SPOPL: variants seen among roughly 807,000 people sequenced by gnomAD.
SPOPL encodes speckle-type POZ protein-like.
A neutral mutation model predicts 53.8 loss-of-function variants in SPOPL; 23 were observed. That is an observed-to-expected ratio of 0.43 (90% CI 0.31 to 0.61). The LOEUF (loss-of-function observed/expected upper bound fraction) is 0.61, where lower values mean the gene tolerates loss of function less well. Among genes scored for constraint, SPOPL ranks in the 20% least tolerant of loss-of-function variants. The probability of loss-of-function intolerance (pLI) is 0.12; values close to 1 mark genes in which losing one functional copy is unlikely to be tolerated. For missense variants in SPOPL, 442 were observed against 466.9 expected, an observed-to-expected ratio of 0.95 and a Z score of 0.49; for synonymous variants, 164 against 149.7, an observed-to-expected ratio of 1.10 and a Z score of -0.70.
chr2:138,504,560 T>C (rs1280406188), intron 1 of SPOPL, among the ~76,000 whole-genome samples: 2 of 152,206 alleles, frequency 1.3e-5, no homozygotes, highest in Non-Finnish European at 2.9e-5. Context: ...AAATATTCTT[T>C]CCAAAAATAT....
chr2:138,564,489 G>A (rs919122966), intron 8 of SPOPL: 37 of 477,520 alleles, frequency 7.7e-5, no homozygotes, highest in Non-Finnish European at 6.1e-5. Flanking sequence ...TCAAAAATAC[G>A]CTTATGCAAA....
intron 1 of SPOPL, among the ~76,000 whole-genome samples, chr2:138,537,592 T>A (rs1384029856): frequency 6.6e-6 from 1 of 152,170 alleles, no homozygotes; most frequent in Non-Finnish European, 1.5e-5. Flanking sequence ...CACAAGACAA[T>A]ATGAAGGGTG....
intron 1 of SPOPL, among the ~76,000 whole-genome samples, chr2:138,546,629 C>A (rs1453491363): frequency 6.6e-6 from 1 of 152,072 alleles, no homozygotes. Context: ...ATAGGTAAGG[C>A]CTGTTTAAGT....
At chr2:138,521,488 A>T (rs1684556629) in intron 1 of SPOPL, among the ~76,000 whole-genome samples, 1 of 152,092 alleles carries the variant, frequency 6.6e-6, no homozygotes, top group South Asian at 2.1e-4. Flanking sequence ...TTAAAGCAAC[A>T]GAAATGAAAT....
At chr2:138,543,505 CCTTT>C (rs550114628) in intron 1 of SPOPL, among the ~76,000 whole-genome samples, 371 of 152,228 alleles carry the variant, frequency 2.4e-3, no homozygotes, top group Non-Finnish European at 4.2e-3. Flanking sequence ...TCACTGATAC[CCTTT>C]CTTTCAGTTG....
At chr2:138,550,827 T>TTC (rs66690846) in intron 3 of SPOPL, 76 bp from the exon 4 acceptor site, 71,159 of 1,343,804 alleles carry the variant, frequency 0.053, 872 homozygotes, top group East Asian at 0.26. Context: ...CTCTCTCTCT[T>TTC]TCTCTCTCTC....
At chr2:138,528,381 A>G (rs943953729) in intron 1 of SPOPL, among the ~76,000 whole-genome samples, 2 of 152,302 alleles carry the variant, frequency 1.3e-5, no homozygotes, top group Admixed American at 6.5e-5. Flanking sequence ...TGATTTATCT[A>G]CCTTTATATC....
rs1291141708 is a variant in SPOPL at position 138,571,453 on chromosome 2, G to A, written c.*2373G>A. Reference sequence around the variant, plus strand: ...AAAAATGTCAAACACTGTGCTGTAAGAATATCCATGTTTGTAGAAATGTCC... The same window carrying A: ...AAAAATGTCAAACACTGTGCTGTAAAAATATCCATGTTTGTAGAAATGTCC... On this transcript the variant is annotated 3_prime_UTR_variant, in exon 11 of 11. Coordinates refer to ENST00000280098, the MANE Select transcript of SPOPL (RefSeq NM_001001664.3). 5.9e-5 allele frequency: 9 copies of A among 152,420 alleles called. No homozygotes were observed. Among genetic ancestry groups the A allele is most frequent in the African/African-American group, 1.9e-4 (8 of 41,376 alleles). The allele number at this position is 152,420 out of a possible 1,614,324, so 9.4% of individuals were successfully genotyped here.
At chr2:138,528,459 C>T (rs1015622096) in intron 1 of SPOPL, among the ~76,000 whole-genome samples, 1 of 152,144 alleles carries the variant, frequency 6.6e-6, no homozygotes, top group Non-Finnish European at 1.5e-5. Context: ...GTGTCACACC[C>T]TTTCTTATTT....
At chr2:138,531,095 A>G (rs976146331) in intron 1 of SPOPL, among the ~76,000 whole-genome samples, 6 of 152,128 alleles carry the variant, frequency 3.9e-5, no homozygotes, top group African/African-American at 4.8e-5. Context: ...GCTAAATTAC[A>G]TTAATAAATT....
At position 138,525,663 on chromosome 2, in the gene SPOPL, A is replaced by AACAAAAC. The variant is rs1553468802; in HGVS notation, c.-61+23545_-61+23546insCAAAACA. ...GCATCAGTATAAAAAGTAGAAAAAA[A>AACAAAAC]AAAAAAAAAAATACACAAAAAACAA... On this transcript the variant is annotated intron_variant, in intron 1 of 10. Transcript: ENST00000280098. Among the ~76,000 whole-genome samples, 7 of 130,492 alleles carry AACAAAAC rather than the reference A, an allele frequency of 5.4e-5. 1 individual carries two copies. The South Asian group carries it at 1.2e-3, about 23-fold the overall frequency. The allele number at this position is 130,492 out of a possible 152,430, so 85.6% of individuals were successfully genotyped here.
chr2:138,531,126 CGG>C (rs1021784712), intron 1 of SPOPL, among the ~76,000 whole-genome samples: 10 of 151,656 alleles, frequency 6.6e-5, no homozygotes, highest in African/African-American at 2.4e-4. Flanking sequence ...TCTAGTCTAA[CGG>C]AGTATTTGGG....
chr2:138,568,832 G>A, intron 10 of SPOPL, 104 bp from the exon 11 acceptor site: 1 of 1,180,906 alleles, frequency 8.5e-7, no homozygotes, highest in South Asian at 1.4e-5. Flanking sequence ...TAGGTAAAAA[G>A]TGTTCAAATA....
chr2:138,527,779 T>C (rs764853233), intron 1 of SPOPL, among the ~76,000 whole-genome samples: 16 of 152,172 alleles, frequency 1.1e-4, no homozygotes, highest in Non-Finnish European at 2.4e-4. Flanking sequence ...TAAAAGATGG[T>C]ATCTGGCTGT....
At chr2:138,512,467 A>G (rs1044725992) in intron 1 of SPOPL, among the ~76,000 whole-genome samples, 3 of 152,140 alleles carry the variant, frequency 2.0e-5, no homozygotes, top group African/African-American at 7.2e-5. Flanking sequence ...CGCGTGTTTT[A>G]ATTTCAGTTA....
chr2:138,525,380 G>A (rs1051558705), intron 1 of SPOPL, among the ~76,000 whole-genome samples: 3 of 152,146 alleles, frequency 2.0e-5, no homozygotes, highest in Non-Finnish European at 2.9e-5. Context: ...ATTTGGGTGG[G>A]AACACAGAGC....
chr2:138,545,261 A>G (rs918383626), intron 1 of SPOPL, among the ~76,000 whole-genome samples: 1 of 152,088 alleles, frequency 6.6e-6, no homozygotes, highest in Non-Finnish European at 1.5e-5. Flanking sequence ...GAATGAAGGC[A>G]AGTGACTTTA....
At chr2:138,545,692 G>A (rs1472104400) in intron 1 of SPOPL, among the ~76,000 whole-genome samples, 3 of 151,954 alleles carry the variant, frequency 2.0e-5, no homozygotes, top group Admixed American at 1.3e-4. Flanking sequence ...GCCCACCTCG[G>A]CCTCCCAAAG....
At position 138,569,373 on chromosome 2, in the gene SPOPL, A is replaced by G. The variant is rs546342853; in HGVS notation, c.*293A>G. ...CTTGTCATTTTGACCAAGGCTATGC[A>G]GGATTGCACTAGCTCCATAATGCAG... On this transcript the variant is annotated 3_prime_UTR_variant, in exon 11 of 11. Transcript: ENST00000280098. 6.5e-5 allele frequency: 18 copies of G among 274,858 alleles called. No homozygotes were observed. Among genetic ancestry groups the G allele is most frequent in the Middle Eastern group, 1.2e-3 (1 of 866 alleles). 17.0% of individuals were successfully genotyped at this position (274,858 alleles called of 1,614,324 possible).
Sources: allele counts gnomAD v4.1 joint callset (sites outside exome capture counted in the v4.1 genomes callset), GRCh38; gene constraint gnomAD v4.1.1; transcripts MANE v1.5; gene names NCBI Gene and HGNC (gene_info 2026-07-23, HGNC 2026-07-21).